The following MAP2 variants were observed in gnomAD, a reference collection of about 807,000 sequenced individuals.
MAP2 encodes the protein microtubule-associated protein 2.
In MAP2, 14 loss-of-function variants were observed where a neutral mutation model predicts 137.6. The observed-to-expected ratio is 0.10, with a 90% CI of 0.07 to 0.16. The LOEUF (loss-of-function observed/expected upper bound fraction) is 0.16. Ranked by LOEUF, MAP2 falls within the 10% of genes least tolerant of loss-of-function variation. The pLI is 1.00. For missense variants in MAP2, 2,088 were observed against 2,191.5 expected, an observed-to-expected ratio of 0.95 and a Z score of 0.94; for synonymous variants, 786 against 782.3, an observed-to-expected ratio of 1.00 and a Z score of -0.08.
chr2:209,530,569 T>C (rs1223395004), intron 2 of MAP2, among the ~76,000 whole-genome samples: 1 of 152,194 alleles, frequency 6.6e-6, no homozygotes, highest in African/African-American at 2.4e-5. Context: ...ATTATTTAAT[T>C]TGAGATTTTA....
At chr2:209,548,431 A>G (rs1283332806) in intron 2 of MAP2, among the ~76,000 whole-genome samples, 1 of 152,132 alleles carries the variant, frequency 6.6e-6, no homozygotes, top group Non-Finnish European at 1.5e-5. Context: ...TCTAAATATT[A>G]TTTTCTTTGC....
intron 1 of MAP2, among the ~76,000 whole-genome samples, chr2:209,490,604 G>GAAAAAA (rs2058966518): frequency 5.9e-4 from 1 of 1,686 alleles, no homozygotes; most frequent in Admixed American, 0.011. Flanking sequence ...CAAATGGAAA[G>GAAAAAA]CAAAAAAAAA....
chr2:209,690,891 T>C (rs1030863110), intron 7 of MAP2: 13 of 1,240,382 alleles, frequency 1.0e-5, no homozygotes, highest in Non-Finnish European at 1.3e-5. Context: ...TTGCAAATGA[T>C]CTCTCCAGTG....
chr2:209,650,870 T>C (rs1408672260), intron 4 of MAP2, among the ~76,000 whole-genome samples: 2 of 152,200 alleles, frequency 1.3e-5, no homozygotes, highest in African/African-American at 4.8e-5. Context: ...TACGTGAAAC[T>C]TTTTCTGTTT....
At chr2:209,622,176 A>T (rs1350506359) in intron 3 of MAP2, among the ~76,000 whole-genome samples, 3 of 152,218 alleles carry the variant, frequency 2.0e-5, no homozygotes, top group Non-Finnish European at 4.4e-5. Flanking sequence ...TGGGAGGCAG[A>T]ACTGTGGCTG....
chr2:209,428,675 C>T (rs1463155322), intron 1 of MAP2, among the ~76,000 whole-genome samples: 1 of 151,898 alleles, frequency 6.6e-6, no homozygotes, highest in African/African-American at 2.4e-5. Flanking sequence ...TCTCAAGGCT[C>T]CATCCCTATC....
At chr2:209,655,625 A>T (rs2153616038) in intron 5 of MAP2, among the ~76,000 whole-genome samples, 1 of 152,314 alleles carries the variant, frequency 6.6e-6, no homozygotes, top group East Asian at 1.9e-4. Context: ...AAATGCTCTT[A>T]AATCCCAAAT....
chr2:209,452,462 T>C (rs926642271), intron 1 of MAP2, among the ~76,000 whole-genome samples: 6 of 152,314 alleles, frequency 3.9e-5, no homozygotes. Flanking sequence ...TTTTTTCACA[T>C]ACCTAGAAAA....
chr2:209,593,921 A>G lies in MAP2; in HGVS notation c.-107+13821A>G, dbSNP rs185934843. On this transcript the variant is annotated intron_variant, in intron 3 of 15. Coordinates refer to ENST00000682079, the MANE Select transcript of MAP2 (RefSeq NM_001375505.1). ...AAATATATAAGTATATATTTATATTATTAAAATATATAAATATATATTTAT... is the reference window on the plus strand; with the variant it reads ...AAATATATAAGTATATATTTATATTGTTAAAATATATAAATATATATTTAT... Among the ~76,000 whole-genome samples the G allele has an allele frequency of 5.3e-3, 243 of 45,824 alleles. 2 individuals are homozygous for G. The highest frequency in any genetic ancestry group is 0.014 in the African/African-American group (233 of 16,694). 30.1% of individuals were successfully genotyped at this position (45,824 alleles called of 152,430 possible). A position where few individuals can be genotyped will look rare whatever the true frequency, so the allele number is the denominator to read the frequency against.
At chr2:209,470,712 A>C (rs1018308920) in intron 1 of MAP2, among the ~76,000 whole-genome samples, 1 of 152,122 alleles carries the variant, frequency 6.6e-6, no homozygotes, top group Non-Finnish European at 1.5e-5. Flanking sequence ...TTCTGAGGTC[A>C]GCTAGGGGCG....
rs181325925 is a variant in MAP2, at chr2:209,656,769, T to C, written c.262+3337T>C. On this transcript the variant is annotated intron_variant, in intron 5 of 15. Transcript: ENST00000682079. ...TAATTTTTATCTTTATCTTTGTTTT[T>C]TGTTTTTAATTTTTATTTTCATGGA... is the stretch of plus-strand genomic sequence containing the variant. Among the ~76,000 whole-genome samples, 7 of 152,328 alleles carry C rather than the reference T, an allele frequency of 4.6e-5. No individual in the cohort carries two copies. The South Asian group carries it at 1.2e-3, about 27-fold the overall frequency.
chr2:209,578,439 TATC>T (rs1293486679), intron 2 of MAP2, among the ~76,000 whole-genome samples: 1 of 151,264 alleles, frequency 6.6e-6, no homozygotes, highest in Non-Finnish European at 1.5e-5. Flanking sequence ...AAAAGAAACA[TATC>T]ATCTGTCTCT....
At chr2:209,603,540 G>A (rs1375421587) in intron 3 of MAP2, among the ~76,000 whole-genome samples, 1 of 152,086 alleles carries the variant, frequency 6.6e-6, no homozygotes, top group Non-Finnish European at 1.5e-5. Context: ...ATTTAAGCAA[G>A]CATTTTCAAA....
intron 4 of MAP2, among the ~76,000 whole-genome samples, chr2:209,631,730 A>G (rs1187775088): frequency 6.6e-6 from 1 of 152,184 alleles, no homozygotes; most frequent in Admixed American, 6.6e-5. Flanking sequence ...AGAGTATGTG[A>G]TGAAGCAAAG....
At chr2:209,527,292 A>G (rs2150494201) in intron 2 of MAP2, among the ~76,000 whole-genome samples, 1 of 152,236 alleles carries the variant, frequency 6.6e-6, no homozygotes, top group South Asian at 2.1e-4. Flanking sequence ...TGTACAATTA[A>G]TTATTGTTTC....
chr2:209,651,893 T>G (rs554156997), intron 4 of MAP2, among the ~76,000 whole-genome samples: 1 of 152,336 alleles, frequency 6.6e-6, no homozygotes, highest in Admixed American at 6.5e-5. Flanking sequence ...ATGGGAAAAC[T>G]TACTTTATTT....
chr2:209,435,581 C>T (rs1232353179), intron 1 of MAP2, among the ~76,000 whole-genome samples: 2 of 151,656 alleles, frequency 1.3e-5, no homozygotes, highest in East Asian at 1.9e-4. Context: ...CATTGTAAGG[C>T]CACTGGCATC....
intron 2 of MAP2, among the ~76,000 whole-genome samples, chr2:209,556,763 A>C (rs1207457757): frequency 6.6e-6 from 1 of 152,110 alleles, no homozygotes; most frequent in Admixed American, 6.6e-5. Context: ...ATTGTAGCTG[A>C]CAATGGCATA....
At chr2:209,432,522 T>C (rs1694572121) in intron 1 of MAP2, among the ~76,000 whole-genome samples, 1 of 152,172 alleles carries the variant, frequency 6.6e-6, no homozygotes, top group African/African-American at 2.4e-5. Flanking sequence ...AAATTGTGCT[T>C]AAATATTAAG....
Sources: allele counts gnomAD v4.1 joint callset (sites outside exome capture counted in the v4.1 genomes callset), GRCh38; gene constraint gnomAD v4.1.1; transcripts MANE v1.5; gene names NCBI Gene and HGNC (gene_info 2026-07-23, HGNC 2026-07-21).